The following IMMP2L variants were observed in gnomAD, a reference collection of about 807,000 sequenced individuals.
The protein encoded by IMMP2L is mitochondrial inner membrane protease subunit 2.
A neutral mutation model predicts 19.3 loss-of-function variants in IMMP2L; 18 were observed. The observed-to-expected ratio is 0.93, with a 90% confidence interval of 0.64 to 1.38. The LOEUF is 1.38. Ranked by LOEUF, IMMP2L falls within the 40% of genes most tolerant of loss-of-function variation. IMMP2L has a pLI of 0.00. For missense variants in IMMP2L, 233 were observed against 218.2 expected, an observed-to-expected ratio of 1.07 and a Z score of -0.43; for synonymous variants, 76 against 73.0, an observed-to-expected ratio of 1.04 and a Z score of -0.21.
chr7:111,156,382 C>T (rs192192273), intron 3 of IMMP2L, among the ~76,000 whole-genome samples: 2 of 152,186 alleles, frequency 1.3e-5, no homozygotes, highest in Non-Finnish European at 2.9e-5. Context: ...AGTTACTTTA[C>T]TTTCTAAATA....
chr7:110,895,429 G>A (rs376083225), intron 4 of IMMP2L, among the ~76,000 whole-genome samples: 1 of 152,180 alleles, frequency 6.6e-6, no homozygotes, highest in Non-Finnish European at 1.5e-5. Flanking sequence ...GATAATTGTG[G>A]CTTTATAGGT....
chr7:111,493,977 G>A (rs1211357101), intron 2 of IMMP2L, among the ~76,000 whole-genome samples: 2 of 151,920 alleles, frequency 1.3e-5, no homozygotes, highest in African/African-American at 4.8e-5. Flanking sequence ...TCCAGCCTGG[G>A]GCGACAGAGC....
chr7:111,430,536 T>C (rs1836523130), intron 3 of IMMP2L, among the ~76,000 whole-genome samples: 3 of 151,698 alleles, frequency 2.0e-5, no homozygotes, highest in African/African-American at 7.3e-5. Context: ...TAAATAAAAT[T>C]ATTGTATTTC....
At chr7:110,840,224 T>C (rs768357770) in intron 5 of IMMP2L, among the ~76,000 whole-genome samples, 20 of 152,092 alleles carry the variant, frequency 1.3e-4, no homozygotes, top group Non-Finnish European at 2.5e-4. Flanking sequence ...GGAGCGGTAA[T>C]AGCTCCTACT....
At chr7:110,979,503 A>G (rs1408632075) in intron 3 of IMMP2L, among the ~76,000 whole-genome samples, 1 of 152,162 alleles carries the variant, frequency 6.6e-6, no homozygotes, top group African/African-American at 2.4e-5. Context: ...ACTTCCAGGT[A>G]GGACCAATGC....
At chr7:110,839,929 T>C (rs1804895595) in intron 5 of IMMP2L, among the ~76,000 whole-genome samples, 1 of 152,158 alleles carries the variant, frequency 6.6e-6, no homozygotes, top group African/African-American at 2.4e-5. Flanking sequence ...TATCCACTGT[T>C]TCTCCTTCCT....
chr7:111,308,844 C>A (rs1355839205), intron 3 of IMMP2L, among the ~76,000 whole-genome samples: 2 of 152,026 alleles, frequency 1.3e-5, no homozygotes, highest in African/African-American at 2.4e-5. Context: ...TTCTTTTATG[C>A]CAGCTTAAAA....
At chr7:110,987,936 C>G (rs1161314308) in intron 3 of IMMP2L, among the ~76,000 whole-genome samples, 1 of 152,040 alleles carries the variant, frequency 6.6e-6, no homozygotes, top group African/African-American at 2.4e-5. Context: ...GCTCATTATC[C>G]CGTTATCAAT....
At chr7:110,838,320 G>C (rs2131426600) in intron 5 of IMMP2L, among the ~76,000 whole-genome samples, 1 of 152,232 alleles carries the variant, frequency 6.6e-6, no homozygotes, top group East Asian at 1.9e-4. Flanking sequence ...TTGTATTTAT[G>C]CATCTTCAAT....
chr7:111,533,905 A>G (rs1847631600), intron 1 of IMMP2L, among the ~76,000 whole-genome samples: 1 of 152,030 alleles, frequency 6.6e-6, no homozygotes, highest in Admixed American at 6.5e-5. Flanking sequence ...GACAATCAGC[A>G]GGACATAAAA....
At chr7:111,516,977 C>T (rs1056656050) in intron 2 of IMMP2L, among the ~76,000 whole-genome samples, 3 of 152,074 alleles carry the variant, frequency 2.0e-5, no homozygotes, top group African/African-American at 7.2e-5. Flanking sequence ...AACTCCATAA[C>T]TCTATCTTAA....
intron 3 of IMMP2L, among the ~76,000 whole-genome samples, chr7:111,033,139 A>G (rs6960818): frequency 0.48 from 73,364 of 152,098 alleles, 18,763 homozygotes; most frequent in Non-Finnish European, 0.58. Context: ...ATAAATTAAA[A>G]TAAGTAAATA....
chr7:110,774,492 A>C (rs1799246613), intron 5 of IMMP2L, among the ~76,000 whole-genome samples: 1 of 152,108 alleles, frequency 6.6e-6, no homozygotes, highest in Non-Finnish European at 1.5e-5. Context: ...CATATTATGA[A>C]ATAATATAAA....
At chr7:110,955,673 G>A (rs2129554671) in intron 4 of IMMP2L, among the ~76,000 whole-genome samples, 1 of 152,006 alleles carries the variant, frequency 6.6e-6, no homozygotes, top group South Asian at 2.1e-4. Flanking sequence ...GTCCTCAAAA[G>A]AACCACCTAC....
At chr7:111,098,168 T>C (rs1785944692) in intron 3 of IMMP2L, among the ~76,000 whole-genome samples, 1 of 151,860 alleles carries the variant, frequency 6.6e-6, no homozygotes, top group African/African-American at 2.4e-5. Context: ...ATAAACATCA[T>C]CCAAGTCAAT....
chr7:111,363,736 C>A (rs1431237834), intron 3 of IMMP2L, among the ~76,000 whole-genome samples: 1 of 151,970 alleles, frequency 6.6e-6, no homozygotes, highest in African/African-American at 2.4e-5. Flanking sequence ...TTCAAGGTAT[C>A]TCCAAATTAA....
chr7:110,907,051 C>A (rs1563071727), intron 4 of IMMP2L, among the ~76,000 whole-genome samples: 2 of 151,478 alleles, frequency 1.3e-5, no homozygotes, highest in Middle Eastern at 3.4e-3. Context: ...TAGGCAAGGG[C>A]AGTGGGGGGG....
intron 2 of IMMP2L, among the ~76,000 whole-genome samples, chr7:111,510,206 A>AT (rs1845308894): frequency 6.6e-6 from 1 of 152,138 alleles, no homozygotes; most frequent in African/African-American, 2.4e-5. Context: ...TACAGTCAGA[A>AT]TAGGCTAAAT....
At chr7:111,438,386 T>C (rs1837399479) in intron 3 of IMMP2L, among the ~76,000 whole-genome samples, 1 of 151,760 alleles carries the variant, frequency 6.6e-6, no homozygotes, top group African/African-American at 2.4e-5. Flanking sequence ...AAAAAGAAGA[T>C]TTTTATGAAA....
Sources: allele counts gnomAD v4.1 joint callset (sites outside exome capture counted in the v4.1 genomes callset), GRCh38; gene constraint gnomAD v4.1.1; transcripts MANE v1.5; gene names NCBI Gene and HGNC (gene_info 2026-07-23, HGNC 2026-07-21).